EPB41L5: variants seen among roughly 807,000 people sequenced by gnomAD.
EPB41L5 encodes band 4.1-like protein 5.
A neutral mutation model predicts 106.6 loss-of-function variants in EPB41L5; 55 were observed. That is an observed-to-expected ratio of 0.52 (90% CI 0.42 to 0.65). The LOEUF (loss-of-function observed/expected upper bound fraction) is 0.65, where lower values mean the gene tolerates loss of function less well. EPB41L5 is among the 30% of genes least tolerant of loss of function. The pLI is 0.00. For missense variants in EPB41L5, 871 were observed against 882.1 expected, an observed-to-expected ratio of 0.99 and a Z score of 0.16; for synonymous variants, 297 against 306.7, an observed-to-expected ratio of 0.97 and a Z score of 0.33.
chr2:120,105,486 C>A (rs953633214), intron 16 of EPB41L5: 498 of 985,210 alleles, frequency 5.1e-4, no homozygotes, highest in Non-Finnish European at 5.9e-4. Flanking sequence ...GGGCTTAATA[C>A]TGGACTATTG....
intron 16 of EPB41L5, chr2:120,103,948 G>T: frequency 8.1e-7 from 1 of 1,233,930 alleles, no homozygotes; most frequent in Admixed American, 3.5e-5. Flanking sequence ...ACTACTCATA[G>T]CAGCAGTGCA....
At chr2:120,019,974 G>C (rs1036128977) in intron 2 of EPB41L5, among the ~76,000 whole-genome samples, 1 of 152,020 alleles carries the variant, frequency 6.6e-6, no homozygotes, top group Non-Finnish European at 1.5e-5. Flanking sequence ...ATGTTTGAAA[G>C]GGGTTAGCTT....
At chr2:120,080,108 CTT>C (rs777004950) in intron 10 of EPB41L5, among the ~76,000 whole-genome samples, 6 of 143,048 alleles carry the variant, frequency 4.2e-5, no homozygotes, top group African/African-American at 7.7e-5. Context: ...AGTAGTATTT[CTT>C]TTTTTTTTTT....
At chr2:120,079,721 C>A (rs1041975834) in intron 10 of EPB41L5, among the ~76,000 whole-genome samples, 4 of 152,216 alleles carry the variant, frequency 2.6e-5, no homozygotes, top group Admixed American at 6.5e-5. Flanking sequence ...CCCCATCTCA[C>A]ATACCCCACA....
chr2:120,023,107 A>G (rs912801752), intron 2 of EPB41L5, among the ~76,000 whole-genome samples: 1 of 152,148 alleles, frequency 6.6e-6, no homozygotes, highest in African/African-American at 2.4e-5. Flanking sequence ...ATAGATTGCA[A>G]AAACTTTCTC....
intron 16 of EPB41L5, among the ~76,000 whole-genome samples, chr2:120,120,983 G>A (rs1685192467): frequency 6.6e-6 from 1 of 152,126 alleles, no homozygotes; most frequent in Non-Finnish European, 1.5e-5. Context: ...TGGGAGTGGT[G>A]GCCGGCACCT....
chr2:120,021,252 A>G (rs1010640348), intron 2 of EPB41L5, among the ~76,000 whole-genome samples: 4 of 152,070 alleles, frequency 2.6e-5, no homozygotes, highest in African/African-American at 9.7e-5. Context: ...AGGCAGGAGA[A>G]TCACTTGAAC....
intron 3 of EPB41L5, among the ~76,000 whole-genome samples, chr2:120,051,302 C>G (rs1320091477): frequency 6.6e-6 from 1 of 152,196 alleles, no homozygotes; most frequent in African/African-American, 2.4e-5. Context: ...GTGGGCTCCA[C>G]CCAGTTCAAG....
Position 120,136,811 on chromosome 2 carries a change from C to T in EPB41L5, c.1599+5096C>T, listed in dbSNP as rs11889305. ...GTACAATTCTAGCTGGAGAATTCAC[C>T]CCACATTCAGCAGAGGATAGAAAAT... On this transcript the variant is annotated intron_variant, in intron 18 of 24. Transcript: ENST00000263713. 1.3e-3 allele frequency among the ~76,000 whole-genome samples: 200 copies of T among 151,984 alleles called. 1 individual carries two copies. The highest frequency in any genetic ancestry group is 4.5e-3 in the African/African-American group (186 of 41,496).
At chr2:120,160,303 GTTTCC>G (rs1687087442) in intron 20 of EPB41L5, among the ~76,000 whole-genome samples, 1 of 151,872 alleles carries the variant, frequency 6.6e-6, no homozygotes, top group Non-Finnish European at 1.5e-5. Flanking sequence ...TGTTTTCTTG[GTTTCC>G]TTTACTTCTT....
At chr2:120,162,547 TTCAA>T (rs1687179989) in intron 21 of EPB41L5, among the ~76,000 whole-genome samples, 2 of 152,238 alleles carry the variant, frequency 1.3e-5, no homozygotes, top group Non-Finnish European at 2.9e-5. Flanking sequence ...CTAAAATATC[TTCAA>T]TCAGGCATTT....
rs79343898 is a variant in EPB41L5 at position 120,168,055 on chromosome 2, G to A, written c.2135+48G>A. On this transcript the variant is annotated intron_variant, in intron 24 of 24. Coordinates refer to ENST00000263713, the MANE Select transcript of EPB41L5 (RefSeq NM_020909.4). Reference sequence around the variant, plus strand: ...GCAGTTCTTAGGCATCTGTTAGGAAGAAAAAAATAATAAAACTTATTATCT... The same window carrying A: ...GCAGTTCTTAGGCATCTGTTAGGAAAAAAAAAATAATAAAACTTATTATCT... 12 of 1,591,174 alleles carry A rather than the reference G, an allele frequency of 7.5e-6. No homozygotes were observed. In the South Asian group the frequency reaches 1.0e-4, roughly 13 times the overall value.
chr2:120,160,859 G>A, intron 20 of EPB41L5, 22 bp from the exon 21 acceptor site: 1 of 1,579,076 alleles, frequency 6.3e-7, no homozygotes, highest in Non-Finnish European at 8.7e-7. Flanking sequence ...TACATGATGT[G>A]AATTTATCTT....
At chr2:120,166,247 A>T (rs560328629) in intron 22 of EPB41L5, among the ~76,000 whole-genome samples, 1 of 152,278 alleles carries the variant, frequency 6.6e-6, no homozygotes, top group Admixed American at 6.5e-5. Flanking sequence ...ACATGTTCCC[A>T]GGTGGTGCAG....
intron 2 of EPB41L5, among the ~76,000 whole-genome samples, chr2:120,030,352 A>G (rs946835754): frequency 3.3e-5 from 5 of 152,172 alleles, no homozygotes; most frequent in African/African-American, 1.2e-4. Flanking sequence ...TGTAAAACCT[A>G]AGATCCGTGC....
intron 18 of EPB41L5, 50 bp from the exon 19 acceptor site, chr2:120,142,953 A>C (rs1018654849): frequency 1.3e-6 from 2 of 1,508,018 alleles, no homozygotes; most frequent in East Asian, 2.3e-5. Flanking sequence ...CTATTTCCAT[A>C]TAACTATAGT....
intron 3 of EPB41L5, among the ~76,000 whole-genome samples, chr2:120,050,900 T>C (rs1240372629): frequency 6.6e-6 from 1 of 152,240 alleles, no homozygotes. Flanking sequence ...GCTGCAGGTC[T>C]GTTGGAGTTT....
chr2:120,168,141 TTC>T (rs1687500514), intron 24 of EPB41L5, 134 bp downstream of exon 24: 1 of 1,056,160 alleles, frequency 9.5e-7, no homozygotes, highest in Non-Finnish European at 1.3e-6. Flanking sequence ...CAAATCTTTT[TTC>T]TGTTTGTTAT....
rs1175319832 is a variant in EPB41L5 at position 120,175,747 on chromosome 2, T to C, written c.*840T>C. The C allele has an allele frequency of 6.6e-6, 1 of 152,154 alleles. No homozygotes were observed. The highest frequency in any genetic ancestry group is 1.5e-5 in the Non-Finnish European group (1 of 68,030). The allele number at this position is 152,154 out of a possible 1,614,324, so 9.4% of individuals were successfully genotyped here. The stretch of plus-strand genomic sequence containing the variant: ...GAGCCCGGTGGAGAATGCAGGCTGC[T>C]GTAGTCTCAGGTAATGAAGGCACAG... On this transcript the variant is annotated 3_prime_UTR_variant, in exon 25 of 25. Coordinates refer to ENST00000263713, the MANE Select transcript of EPB41L5 (RefSeq NM_020909.4).
Sources: allele counts gnomAD v4.1 joint callset (sites outside exome capture counted in the v4.1 genomes callset), GRCh38; gene constraint gnomAD v4.1.1; transcripts MANE v1.5; gene names NCBI Gene and HGNC (gene_info 2026-07-23, HGNC 2026-07-21).